The following SCMH1 variants were observed in gnomAD, a reference collection of about 807,000 sequenced individuals.
SCMH1 encodes the protein Scm polycomb group protein homolog 1, also known as polycomb protein SCMH1.
A neutral mutation model predicts 70.8 loss-of-function variants in SCMH1; 37 were observed. The ratio of observed to expected loss-of-function variants is 0.52; its 90% CI spans 0.40 to 0.69. SCMH1 has a LOEUF of 0.69. SCMH1 is among the 30% of genes least tolerant of loss of function. SCMH1 has a pLI of 0.00. For synonymous variants in SCMH1, 292 were observed against 307.4 expected (o/e 0.95, Z 0.52); for missense variants, 607 against 827.3 (o/e 0.73, Z 3.27).
intron 6 of SCMH1, among the ~76,000 whole-genome samples, chr1:41,140,966 T>G (rs12736222): frequency 1.3e-5 from 2 of 152,192 alleles, no homozygotes; most frequent in African/African-American, 4.8e-5. Context: ...GTTTTGAGCT[T>G]ATGATACTAA....
At chr1:41,117,070 G>A in intron 6 of SCMH1, 60 bp from the exon 7 acceptor site, 3 of 1,494,812 alleles carry the variant, frequency 2.0e-6, no homozygotes, top group Non-Finnish European at 2.7e-6. Flanking sequence ...ATGGTGATGT[G>A]GGTGGCAAGC....
chr1:41,138,034 G>A (rs1315551784), intron 6 of SCMH1, among the ~76,000 whole-genome samples: 1 of 152,048 alleles, frequency 6.6e-6, no homozygotes, highest in African/African-American at 2.4e-5. Flanking sequence ...GTCTTAAATT[G>A]ATCATCTCTT....
chr1:41,148,521 T>A (rs1021913493), intron 5 of SCMH1, among the ~76,000 whole-genome samples: 15 of 152,336 alleles, frequency 9.8e-5, no homozygotes, highest in African/African-American at 3.6e-4. Flanking sequence ...CTGGCTGCAG[T>A]AGTCCAGGTT....
chr1:41,155,984 CAAAAAAA>C (rs386366781), intron 4 of SCMH1, among the ~76,000 whole-genome samples: 1 of 74,648 alleles, frequency 1.3e-5, no homozygotes, highest in Non-Finnish European at 2.4e-5. Context: ...GACTCCGTCT[CAAAAAAA>C]AAAAAAAAAA....
chr1:41,184,481 T>C (rs1313384584), intron 2 of SCMH1, among the ~76,000 whole-genome samples: 1 of 152,192 alleles, frequency 6.6e-6, no homozygotes, highest in Non-Finnish European at 1.5e-5. Context: ...AAATATTTAT[T>C]ACCACTGTTT....
chr1:41,122,761 C>G (rs2147974126), intron 6 of SCMH1, among the ~76,000 whole-genome samples: 1 of 152,266 alleles, frequency 6.6e-6, no homozygotes, highest in East Asian at 1.9e-4. Flanking sequence ...TCTTTTAATT[C>G]CAAACACAGG....
chr1:41,078,750 T>C (rs1659109504), intron 8 of SCMH1, among the ~76,000 whole-genome samples: 1 of 152,162 alleles, frequency 6.6e-6, no homozygotes, highest in African/African-American at 2.4e-5. Context: ...GTTGAGAGAA[T>C]CTGTCACCAG....
chr1:41,161,486 T>C, intron 2 of SCMH1, 54 bp from the exon 3 acceptor site: 1 of 1,505,922 alleles, frequency 6.6e-7, no homozygotes, highest in Non-Finnish European at 8.9e-7. Flanking sequence ...GATTAAATAC[T>C]TTTCCAATTT....
At chr1:41,166,338 C>T (rs112187081) in intron 2 of SCMH1, among the ~76,000 whole-genome samples, 52 of 152,028 alleles carry the variant, frequency 3.4e-4, no homozygotes, top group Admixed American at 9.2e-4. Context: ...TTTGTGTCTC[C>T]CCCACATTAA....
intron 6 of SCMH1, among the ~76,000 whole-genome samples, chr1:41,132,563 G>C (rs1343901715): frequency 6.6e-6 from 1 of 152,134 alleles, no homozygotes; most frequent in African/African-American, 2.4e-5. Context: ...GATCCCATTT[G>C]TCAATTTTGG....
intron 6 of SCMH1, among the ~76,000 whole-genome samples, chr1:41,120,145 T>C (rs777657058): frequency 8.0e-4 from 121 of 152,134 alleles, no homozygotes; most frequent in Non-Finnish European, 1.3e-4. Context: ...GTTTAATGCC[T>C]ATAGTTATCA....
chr1:41,167,415 A>G (rs1356810748), intron 2 of SCMH1, among the ~76,000 whole-genome samples: 6 of 152,146 alleles, frequency 3.9e-5, no homozygotes, highest in South Asian at 2.1e-4. Context: ...CTCCTCTTCA[A>G]CTTTCTGGAA....
At chr1:41,232,505 A>G (rs1341245438) in intron 1 of SCMH1, among the ~76,000 whole-genome samples, 2 of 152,334 alleles carry the variant, frequency 1.3e-5, no homozygotes, top group East Asian at 1.9e-4. Context: ...TCAGAATTAC[A>G]TAACACTGCT....
At chr1:41,116,683 TAAC>T (rs999674961) in intron 7 of SCMH1, among the ~76,000 whole-genome samples, 1 of 152,170 alleles carries the variant, frequency 6.6e-6, no homozygotes, top group Non-Finnish European at 1.5e-5. Flanking sequence ...TTTAACTTCT[TAAC>T]AAGCCCGACA....
intron 10 of SCMH1, among the ~76,000 whole-genome samples, chr1:41,056,807 A>G (rs1268921794): frequency 6.6e-6 from 1 of 152,134 alleles, no homozygotes; most frequent in Non-Finnish European, 1.5e-5. Context: ...GGAGGGGGAA[A>G]CTTTTGTGAG....
chr1:41,119,291 C>T (rs1186308633), intron 6 of SCMH1, among the ~76,000 whole-genome samples: 3 of 152,294 alleles, frequency 2.0e-5, no homozygotes, highest in Non-Finnish European at 2.9e-5. Context: ...AGTCCCAAAG[C>T]TGGCTAGGCT....
chr1:41,209,764 T>A (rs925512970), intron 1 of SCMH1, among the ~76,000 whole-genome samples: 2 of 152,250 alleles, frequency 1.3e-5, no homozygotes, highest in African/African-American at 4.8e-5. Context: ...AATATCATAC[T>A]GAATGGGCCA....
In SCMH1 at chr1:41,155,507, A is replaced by AAAAC. The variant is rs547168813; in HGVS notation, c.107-3827_107-3824dup. 4.5e-4 allele frequency among the ~76,000 whole-genome samples: 69 copies of AAAAC among 152,084 alleles called. 1 individual carries two copies. The highest frequency in any genetic ancestry group is 6.9e-3 in the Middle Eastern group (2 of 290). On this transcript the variant is annotated intron_variant, in intron 4 of 14. Transcript: ENST00000337495. ...ACAATATTTTGCTCCACATGGAGCA[A>AAAAC]AAACAAACAAACAAACAAACAAACA...
chr1:41,074,469 T>TA (rs1228700684), intron 9 of SCMH1, among the ~76,000 whole-genome samples: 2 of 152,130 alleles, frequency 1.3e-5, no homozygotes, highest in Non-Finnish European at 2.9e-5. Context: ...GTCTGACACT[T>TA]AGTAGGTATT....
Sources: gnomAD v4.1 joint callset for allele counts (sites outside exome capture counted in the v4.1 genomes callset) on GRCh38, gnomAD v4.1.1 for gene constraint, MANE v1.5 for transcripts, NCBI Gene and HGNC (gene_info 2026-07-23, HGNC 2026-07-21) for gene names.